Variants in FMN2 observed in about 807,000 individuals in gnomAD.
FMN2 encodes formin-2.
FMN2 carries 51 observed loss-of-function variants against 142.3 expected under a neutral mutation model. The observed-to-expected ratio is 0.36, with a 90% CI of 0.29 to 0.45. The LOEUF (loss-of-function observed/expected upper bound fraction) is 0.45. FMN2 is among the 20% of genes least tolerant of loss of function. The probability of loss-of-function intolerance (pLI) is 1.00; values close to 1 mark genes in which losing one functional copy is unlikely to be tolerated. For missense variants in FMN2, 1,936 were observed against 2,122.8 expected (o/e 0.91, Z 1.73); for synonymous variants, 882 against 869.8 (o/e 1.01, Z -0.25).
intron 4 of FMN2, among the ~76,000 whole-genome samples, chr1:240,193,702 G>T (rs1465051436): frequency 6.6e-6 from 1 of 152,244 alleles, no homozygotes; most frequent in Non-Finnish European, 1.5e-5. Context: ...TCCTTGGCCT[G>T]CAGCCTGACA....
At chr1:240,184,505 T>G (rs1052542501) in intron 3 of FMN2, among the ~76,000 whole-genome samples, 2 of 149,714 alleles carry the variant, frequency 1.3e-5, no homozygotes, top group East Asian at 3.9e-4. Context: ...TGTGAGCCAT[T>G]GCGCCCGGCC....
intron 2 of FMN2, chr1:240,145,530 A>ATTTTTTTTTTT (rs71168902): frequency 1.2e-5 from 1 of 84,346 alleles, no homozygotes. Context: ...TTCTTTTTCT[A>ATTTTTTTTTTT]TTTTTTTTTT....
chr1:240,456,675 C>T (rs1317363583), intron 16 of FMN2, among the ~76,000 whole-genome samples: 3 of 152,226 alleles, frequency 2.0e-5, no homozygotes, highest in Non-Finnish European at 2.9e-5. Context: ...AGACTGGTCG[C>T]GAACTCCCGA....
chr1:240,199,575 G>A (rs1296701194), intron 4 of FMN2, among the ~76,000 whole-genome samples: 9 of 152,102 alleles, frequency 5.9e-5, no homozygotes, highest in South Asian at 2.1e-4. Flanking sequence ...TATGTGATAC[G>A]CAAGTGTTCA....
intron 15 of FMN2, among the ~76,000 whole-genome samples, chr1:240,409,067 G>A (rs79798252): frequency 2.0e-5 from 3 of 152,024 alleles, no homozygotes; most frequent in Non-Finnish European, 2.9e-5. Flanking sequence ...TGTTTTGTCC[G>A]GTGCCCTATT....
intron 6 of FMN2, among the ~76,000 whole-genome samples, chr1:240,216,396 ATAACT>A (rs914513356): frequency 6.6e-6 from 1 of 152,242 alleles, no homozygotes; most frequent in African/African-American, 2.4e-5. Flanking sequence ...TAAAAAGTAC[ATAACT>A]TGACATTGGT....
intron 7 of FMN2, among the ~76,000 whole-genome samples, chr1:240,284,302 G>A (rs1013762719): frequency 1.3e-5 from 2 of 152,148 alleles, no homozygotes; most frequent in Non-Finnish European, 2.9e-5. Flanking sequence ...CTAACTAGAT[G>A]CCCATATCAC....
intron 15 of FMN2, among the ~76,000 whole-genome samples, 176 bp from the exon 16 acceptor site, chr1:240,437,885 A>T (rs1028745575): frequency 6.6e-6 from 1 of 152,196 alleles, no homozygotes; most frequent in Non-Finnish European, 1.5e-5. Flanking sequence ...TGCTGTCTGT[A>T]TCCAAAACTC....
chr1:240,153,525 AATTT>A (rs1571993122), intron 2 of FMN2, among the ~76,000 whole-genome samples: 3 of 151,424 alleles, frequency 2.0e-5, no homozygotes, highest in East Asian at 2.0e-4. Flanking sequence ...ATGCTTGGCA[AATTT>A]ATTTATTTAT....
chr1:240,415,579 A>T (rs1674551194), intron 15 of FMN2, among the ~76,000 whole-genome samples: 3 of 152,172 alleles, frequency 2.0e-5, no homozygotes, highest in Admixed American at 6.5e-5. Flanking sequence ...AATCTATCAC[A>T]TGTGTATAAT....
intron 15 of FMN2, among the ~76,000 whole-genome samples, chr1:240,398,539 A>T (rs578071450): frequency 6.6e-6 from 1 of 152,324 alleles, no homozygotes; most frequent in South Asian, 2.1e-4. Context: ...TTAAACAATG[A>T]ACCCCAAAAT....
rs528373785 is a variant in FMN2, at chr1:240,376,155, C to T, written c.4859-16356C>T. 5.3e-4 allele frequency among the ~76,000 whole-genome samples: 81 copies of T among 152,094 alleles called. 1 individual carries two copies. Among genetic ancestry groups the T allele is most frequent in the African/African-American group, 1.8e-3 (76 of 41,506 alleles). On this transcript the variant is annotated intron_variant, in intron 14 of 17. Transcript: ENST00000319653. ...TACAGCTACTTCAGCTTTATTATGG[C>T]TAGTGTTTACATAATATACCCTTTT...
At chr1:240,271,559 T>G (rs572406908) in intron 7 of FMN2, among the ~76,000 whole-genome samples, 44 of 152,152 alleles carry the variant, frequency 2.9e-4, no homozygotes, top group Non-Finnish European at 5.0e-4. Context: ...TTATATTTAT[T>G]GAGACATTAA....
chr1:240,395,816 CA>C (rs1673752356), intron 15 of FMN2, among the ~76,000 whole-genome samples: 2 of 152,158 alleles, frequency 1.3e-5, no homozygotes, highest in South Asian at 4.1e-4. Flanking sequence ...GTTGAAATCA[CA>C]ACAAAGAATT....
chr1:240,130,149 G>C (rs1275065314), intron 2 of FMN2, among the ~76,000 whole-genome samples: 2 of 152,142 alleles, frequency 1.3e-5, no homozygotes, highest in Admixed American at 1.3e-4. Flanking sequence ...TTATCTATAA[G>C]TTGAAAGACA....
intron 6 of FMN2, among the ~76,000 whole-genome samples, chr1:240,239,518 G>A (rs1667820220): frequency 6.6e-6 from 1 of 152,218 alleles, no homozygotes; most frequent in South Asian, 2.1e-4. Context: ...TGAAGAATCA[G>A]CCACTTGCTT....
At chr1:240,245,037 A>G (rs1308553580) in intron 6 of FMN2, among the ~76,000 whole-genome samples, 2 of 152,172 alleles carry the variant, frequency 1.3e-5, no homozygotes, top group Non-Finnish European at 2.9e-5. Flanking sequence ...AAATCACTTT[A>G]TCATGTATAT....
intron 6 of FMN2, among the ~76,000 whole-genome samples, chr1:240,251,625 T>G (rs1668280796): frequency 6.6e-6 from 1 of 152,200 alleles, no homozygotes; most frequent in Non-Finnish European, 1.5e-5. Context: ...ATTTCTTTGT[T>G]AATTTTCTGT....
chr1:240,420,403 G>A (rs1040279685), intron 15 of FMN2, among the ~76,000 whole-genome samples: 11 of 152,056 alleles, frequency 7.2e-5, no homozygotes, highest in African/African-American at 1.2e-4. Flanking sequence ...TTCCTGAATC[G>A]CTCCACTACA....
Sources: allele counts gnomAD v4.1 joint callset (sites outside exome capture counted in the v4.1 genomes callset), GRCh38; gene constraint gnomAD v4.1.1; transcripts MANE v1.5; gene names NCBI Gene and HGNC (gene_info 2026-07-23, HGNC 2026-07-21).